Variants in SERGEF observed in about 807,000 individuals in gnomAD.
The protein encoded by SERGEF is secretion regulating guanine nucleotide exchange factor.
SERGEF carries 51 observed loss-of-function variants against 50.0 expected under a neutral mutation model. The ratio of observed to expected loss-of-function variants is 1.02; its 90% CI spans 0.81 to 1.29. The LOEUF (loss-of-function observed/expected upper bound fraction) is 1.29. SERGEF is among the 50% of genes most tolerant of loss of function. The pLI is 0.00. For synonymous variants in SERGEF, 205 were observed against 212.4 expected, an observed-to-expected ratio of 0.97 and a Z score of 0.30; for missense variants, 521 against 557.0, an observed-to-expected ratio of 0.94 and a Z score of 0.65.
intron 1 of SERGEF, chr11:18,012,546 C>G (rs1854218141): frequency 1.9e-5 from 22 of 1,142,878 alleles, no homozygotes; most frequent in Non-Finnish European, 2.4e-5. Context: ...TCTCCCTCCT[C>G]CAGGCATCAG....
chr11:18,012,495 G>A (rs1854217170), intron 1 of SERGEF: 15 of 1,091,250 alleles, frequency 1.4e-5, no homozygotes, highest in Admixed American at 5.3e-5. Flanking sequence ...AACACCGCAG[G>A]CCTCACATCT....
intron 8 of SERGEF, among the ~76,000 whole-genome samples, chr11:17,978,590 T>C (rs1456332781): frequency 2.0e-5 from 3 of 152,206 alleles, no homozygotes; most frequent in Non-Finnish European, 4.4e-5. Flanking sequence ...CCAGGTCCTC[T>C]CCCACAGCTG....
At chr11:17,992,447 T>TA (rs1853734354) in intron 7 of SERGEF, among the ~76,000 whole-genome samples, 1 of 152,162 alleles carries the variant, frequency 6.6e-6, no homozygotes, top group Non-Finnish European at 1.5e-5. Flanking sequence ...CTTAGACAGT[T>TA]ACAATACACA....
intron 10 of SERGEF, among the ~76,000 whole-genome samples, chr11:17,810,761 C>G (rs1849853556): frequency 6.6e-6 from 1 of 151,150 alleles, no homozygotes; most frequent in Admixed American, 6.6e-5. Flanking sequence ...TAGCCAAAGA[C>G]TCAGGAAGGT....
chr11:17,970,508 G>A (rs1365893575), intron 8 of SERGEF, among the ~76,000 whole-genome samples: 2 of 152,120 alleles, frequency 1.3e-5, no homozygotes, highest in African/African-American at 4.8e-5. Context: ...CAAGTGAAAG[G>A]AAGAGTCACA....
chr11:17,806,741 C>G (rs949533352), intron 10 of SERGEF, among the ~76,000 whole-genome samples: 1 of 152,152 alleles, frequency 6.6e-6, no homozygotes, highest in Admixed American at 6.5e-5. Flanking sequence ...ACTTCCCGTT[C>G]CTCAGGAGAG....
Position 17,970,362 on chromosome 11 carries a change from A to T in SERGEF, c.845-10726T>A, listed in dbSNP as rs192866589. Among the ~76,000 whole-genome samples the T allele has an allele frequency of 3.9e-5, 6 of 152,196 alleles. No homozygotes were observed. The East Asian group carries it at 9.7e-4, about 25-fold the overall frequency. On this transcript the variant is annotated intron_variant, in intron 8 of 10. Transcript: ENST00000265965. ...ATGCCCATGTAAGATGGCAAACTTA[A>T]TCGATTGTGTTCTGACTGCTCCACC...
intron 10 of SERGEF, among the ~76,000 whole-genome samples, chr11:17,839,754 C>T (rs1850467735): frequency 6.6e-6 from 1 of 152,224 alleles, no homozygotes. Context: ...CTTCTCCCCA[C>T]CTCACATCCT....
chr11:17,927,722 C>T (rs887187922), intron 9 of SERGEF, among the ~76,000 whole-genome samples: 1 of 152,220 alleles, frequency 6.6e-6, no homozygotes, highest in African/African-American at 2.4e-5. Flanking sequence ...CATCTGGGAA[C>T]CTGTTAGAAG....
At chr11:17,917,384 A>G (rs1334070941) in intron 9 of SERGEF, among the ~76,000 whole-genome samples, 1 of 152,206 alleles carries the variant, frequency 6.6e-6, no homozygotes, top group East Asian at 1.9e-4. Flanking sequence ...CAAAGGCATA[A>G]GAATGACACA....
chr11:17,836,473 T>A (rs879269345), intron 10 of SERGEF, among the ~76,000 whole-genome samples: 5 of 152,202 alleles, frequency 3.3e-5, no homozygotes, highest in Non-Finnish European at 5.9e-5. Context: ...TTGGTTAGTA[T>A]TCAATAGAAC....
chr11:17,865,809 T>G (rs1397768259), intron 10 of SERGEF, among the ~76,000 whole-genome samples: 1 of 152,314 alleles, frequency 6.6e-6, no homozygotes, highest in South Asian at 2.1e-4. Context: ...AGATTTTTTG[T>G]GTGTAATTCA....
rs1565229076 is a variant in SERGEF at position 18,004,489 on chromosome 11, T to C, written c.399A>G (p.Leu133=). Residue 133 remains leucine (L), a synonymous_variant, in exon 4 of 11, where the codon TTA becomes TTG. Transcript: ENST00000265965. ...ATCTTCGAGGTCCATGAGGAACTCCTAACTGGCCAAAGGAGTTGGATCCAC... is the reference window on the plus strand; with the variant it reads ...ATCTTCGAGGTCCATGAGGAACTCCCAACTGGCCAAAGGAGTTGGATCCAC... ...LSCGSNSFGQ[L]GVPHGPRRCV... is the part of the protein sequence containing the mutation. The C allele has an allele frequency of 2.5e-6, 4 of 1,613,984 alleles. No individual in the cohort carries two copies. The highest frequency in any genetic ancestry group is 3.4e-6 in the Non-Finnish European group (4 of 1,179,914).
At chr11:17,922,626 T>C (rs867162682) in intron 9 of SERGEF, among the ~76,000 whole-genome samples, 1 of 152,106 alleles carries the variant, frequency 6.6e-6, no homozygotes, top group Non-Finnish European at 1.5e-5. Flanking sequence ...ACTGGGGGTA[T>C]TTTTTAGTCC....
intron 1 of SERGEF, 64 bp from the exon 2 acceptor site, chr11:18,008,140 T>C: frequency 6.7e-7 from 1 of 1,483,306 alleles, no homozygotes. Flanking sequence ...TCTATTTACC[T>C]GTCTCTGTCT....
At chr11:17,840,994 T>C (rs1297200151) in intron 10 of SERGEF, among the ~76,000 whole-genome samples, 6 of 152,178 alleles carry the variant, frequency 3.9e-5, no homozygotes, top group African/African-American at 1.4e-4. Flanking sequence ...AATATCTAAA[T>C]TGTTTCCCCT....
At chr11:18,004,695 T>C (rs1854036325) in intron 3 of SERGEF, among the ~76,000 whole-genome samples, 160 bp from the exon 4 acceptor site, 1 of 152,238 alleles carries the variant, frequency 6.6e-6, no homozygotes, top group African/African-American at 2.4e-5. Context: ...ATGAAAACAC[T>C]GGGCACCAGG....
At chr11:17,973,841 A>C (rs1853306784) in intron 8 of SERGEF, among the ~76,000 whole-genome samples, 1 of 152,188 alleles carries the variant, frequency 6.6e-6, no homozygotes, top group African/African-American at 2.4e-5. Context: ...CTCCACTGTC[A>C]GTGGTTTGGG....
chr11:17,886,740 T>G (rs1292525853), intron 9 of SERGEF, among the ~76,000 whole-genome samples: 1 of 152,186 alleles, frequency 6.6e-6, no homozygotes, highest in Non-Finnish European at 1.5e-5. Context: ...GAATATAATA[T>G]ACACAGTAAT....
Sources: allele counts gnomAD v4.1 joint callset (sites outside exome capture counted in the v4.1 genomes callset), GRCh38; gene constraint gnomAD v4.1.1; transcripts MANE v1.5; gene names NCBI Gene and HGNC (gene_info 2026-07-23, HGNC 2026-07-21).